The following PTPDC1 variants were observed in gnomAD, a reference collection of about 807,000 sequenced individuals.
PTPDC1 encodes protein tyrosine phosphatase domain containing 1.
A neutral mutation model predicts 75.3 loss-of-function variants in PTPDC1; 53 were observed. The ratio of observed to expected loss-of-function variants is 0.70; its 90% CI spans 0.56 to 0.88. PTPDC1 has a LOEUF of 0.88. Ranked by LOEUF, PTPDC1 falls within the 40% of genes least tolerant of loss-of-function variation. The pLI is 0.00. For synonymous variants in PTPDC1, 349 were observed against 366.2 expected, an observed-to-expected ratio of 0.95 and a Z score of 0.54; for missense variants, 925 against 998.6, an observed-to-expected ratio of 0.93 and a Z score of 0.99.
intron 6 of PTPDC1, chr9:94,100,260 T>C (rs1489897693): frequency 3.3e-5 from 5 of 152,314 alleles, no homozygotes; most frequent in African/African-American, 1.2e-4. Context: ...TTTAACACTT[T>C]CCATTATCCC....
At chr9:94,075,843 A>G (rs1429333653) in intron 2 of PTPDC1, among the ~76,000 whole-genome samples, 26 of 152,238 alleles carry the variant, frequency 1.7e-4, no homozygotes, top group Non-Finnish European at 1.5e-5. Context: ...TTTTTGAGGT[A>G]TAATTATCAA....
chr9:94,105,293 C>T (rs547726015), intron 8 of PTPDC1, among the ~76,000 whole-genome samples: 36 of 152,298 alleles, frequency 2.4e-4, no homozygotes, highest in African/African-American at 7.5e-4. Context: ...ATCCAAACCG[C>T]GTGGTCCTTT....
chr9:94,053,497 A>G (rs1206782753), intron 1 of PTPDC1, among the ~76,000 whole-genome samples: 4 of 152,228 alleles, frequency 2.6e-5, no homozygotes, highest in African/African-American at 7.2e-5. Context: ...TTCTTTAAGA[A>G]GAAAATACTA....
intron 1 of PTPDC1, among the ~76,000 whole-genome samples, chr9:94,054,469 A>G (rs184907607): frequency 1.3e-5 from 2 of 152,344 alleles, no homozygotes; most frequent in East Asian, 1.9e-4. Context: ...CAACTCCTCT[A>G]TTAAAATGTG....
intron 1 of PTPDC1, among the ~76,000 whole-genome samples, chr9:94,055,468 G>T (rs1010624283): frequency 2.0e-5 from 3 of 152,178 alleles, no homozygotes; most frequent in Non-Finnish European, 4.4e-5. Flanking sequence ...TAGGTGAGTG[G>T]ATAAATAAAC....
intron 4 of PTPDC1, among the ~76,000 whole-genome samples, chr9:94,089,971 G>T: frequency 2.6e-5 from 3 of 116,908 alleles, no homozygotes; most frequent in African/African-American, 1.1e-4. Context: ...TGTAGATTCT[G>T]GATATTAGCC....
chr9:94,082,946 C>G (rs1011791979), upstream of PTPDC1, among the ~76,000 whole-genome samples: 3 of 152,160 alleles, frequency 2.0e-5, no homozygotes, highest in African/African-American at 7.2e-5. Context: ...AAAGCAGTTA[C>G]TTTTGACTTT....
At position 94,061,799 on chromosome 9, in the gene PTPDC1, C is replaced by A. The variant is rs543958609; in HGVS notation, c.-6-2935C>A. On this transcript the variant is annotated intron_variant, in intron 1 of 9. Coordinates refer to the PTPDC1 transcript ENST00000375360. ...CCCTGGGCATAGCCCACAGAACCAT[C>A]CTTTCCTCCTAGGCCTCTGAGCCTG... Among the ~76,000 whole-genome samples the A allele has an allele frequency of 3.9e-5, 6 of 152,372 alleles. No homozygotes were observed. In the South Asian group the frequency reaches 1.0e-3, roughly 26 times the overall value.
At chr9:94,044,606 G>A (rs1437742963) in intron 1 of PTPDC1, among the ~76,000 whole-genome samples, 2 of 152,162 alleles carry the variant, frequency 1.3e-5, no homozygotes, top group Non-Finnish European at 2.9e-5. Context: ...AAACTCACCT[G>A]TGCGGGAGTT....
intron 1 of PTPDC1, among the ~76,000 whole-genome samples, chr9:94,055,016 G>A (rs1825891530): frequency 6.6e-6 from 1 of 152,200 alleles, no homozygotes; most frequent in Admixed American, 6.5e-5. Flanking sequence ...GCCACACACA[G>A]TGGAGCTCCA....
At chr9:94,040,752 TA>T (rs1825405485) in intron 1 of PTPDC1, among the ~76,000 whole-genome samples, 1 of 152,194 alleles carries the variant, frequency 6.6e-6, no homozygotes, top group African/African-American at 2.4e-5. Context: ...TTTTTACCAT[TA>T]AAAAGTTGAT....
chr9:94,095,405 A>T lies in PTPDC1; in HGVS notation c.705A>T (p.Leu235Phe), dbSNP rs143078046. 1.9e-6 allele frequency: 3 copies of T among 1,613,672 alleles called. No individual in the cohort carries two copies. The highest frequency in any genetic ancestry group is 2.7e-5 in the African/African-American group (2 of 75,028). ...TGGTGAAGGTGATGACATTTGCCTT[A>T]CAGGAAGGAAAAGTAGCTATCCATT... ...LDMVKVMTFALQEGKVAIHCH... is the reference protein window; with the variant it reads ...LDMVKVMTFAFQEGKVAIHCH... The change falls in exon 5 of 9, where the codon TTA becomes TTT. Residue 235 changes from leucine to phenylalanine, a missense_variant. Leu to Phe is a conservative substitution (Grantham distance 22). Coordinates refer to ENST00000620992, the MANE Select transcript of PTPDC1 (RefSeq NM_001253829.2).
intron 6 of PTPDC1, among the ~76,000 whole-genome samples, chr9:94,099,543 A>G (rs1827759749): frequency 1.3e-5 from 2 of 152,250 alleles, no homozygotes; most frequent in Non-Finnish European, 2.9e-5. Flanking sequence ...ATTAACTTTT[A>G]ATTATATGAT....
At chr9:94,084,432 T>C (rs1826988730), upstream of PTPDC1, 1 of 1,520,368 alleles carries the variant, frequency 6.6e-7, no homozygotes, top group Non-Finnish European at 8.7e-7. Context: ...GGCTCTTAGA[T>C]CATACAGAAC....
upstream of PTPDC1, among the ~76,000 whole-genome samples, chr9:94,081,562 G>A (rs905506419): frequency 3.9e-5 from 6 of 152,154 alleles, no homozygotes; most frequent in Non-Finnish European, 8.8e-5. Flanking sequence ...TAAAGTGTTC[G>A]ATTGTGTTGC....
At chr9:94,087,664 C>T (rs1827125017) in intron 2 of PTPDC1, among the ~76,000 whole-genome samples, 167 bp from the exon 3 acceptor site, 1 of 152,008 alleles carries the variant, frequency 6.6e-6, no homozygotes. Flanking sequence ...TTTTATTGAA[C>T]CATGAAACTG....
At chr9:94,104,426 C>T (rs745399563) in intron 8 of PTPDC1, 41 bp downstream of exon 8, 21 of 1,308,440 alleles carry the variant, frequency 1.6e-5, no homozygotes, top group Non-Finnish European at 2.1e-5. Context: ...AACCACAGAT[C>T]AGCATCATCT....
intron 4 of PTPDC1, 101 bp from the exon 5 acceptor site, chr9:94,095,216 C>T: frequency 2.4e-6 from 2 of 850,312 alleles, no homozygotes; most frequent in Middle Eastern, 2.5e-4. Flanking sequence ...CTGAGATCTA[C>T]ATGCCTCAGT....
chr9:94,063,104 G>T (rs781371898), intron 1 of PTPDC1, among the ~76,000 whole-genome samples: 1 of 152,166 alleles, frequency 6.6e-6, no homozygotes. Flanking sequence ...AGTGATGACT[G>T]GTCCAAGTTT....
Sources: gnomAD v4.1 joint callset for allele counts (sites outside exome capture counted in the v4.1 genomes callset) on GRCh38, gnomAD v4.1.1 for gene constraint, MANE v1.5 for transcripts, NCBI Gene and HGNC (gene_info 2026-07-23, HGNC 2026-07-21) for gene names.